Variants in RPF1 observed in about 807,000 individuals in gnomAD.
RPF1 encodes the protein ribosome production factor 1.
A neutral mutation model predicts 41.9 loss-of-function variants in RPF1; 34 were observed. The observed-to-expected ratio is 0.81, with a 90% CI of 0.62 to 1.08. The LOEUF (loss-of-function observed/expected upper bound fraction) is 1.08. Ranked by LOEUF, RPF1 falls within the 50% of genes least tolerant of loss-of-function variation. The pLI, the probability that RPF1 is intolerant of heterozygous loss-of-function variation, is 0.00. For missense variants in RPF1, 425 were observed against 435.2 expected, an observed-to-expected ratio of 0.98 and a Z score of 0.21; for synonymous variants, 140 against 148.9, an observed-to-expected ratio of 0.94 and a Z score of 0.43.
At position 84,496,351 on chromosome 1, in the gene RPF1, A is replaced by G; in HGVS notation, c.989A>G (p.Glu330Gly). ...GGAACCTTTGATTCTAAATATGGAG[A>G]GTATGAATGGGTCCATAAGGTATGT... ...QKGTFDSKYG[E>G]YEWVHKPREM... Residue 330 changes from glutamate to glycine, a missense_variant, in exon 8 of 9, where the codon GAG becomes GGG. By Grantham distance (98) the Glu-to-Gly change is moderately conservative. Transcript: ENST00000370654. 6.2e-7 allele frequency: 1 copy of G among 1,611,578 alleles called. No individual in the cohort carries two copies. Among genetic ancestry groups the G allele is most frequent in the Non-Finnish European group, 8.5e-7 (1 of 1,178,822 alleles).
Position 84,479,341 on chromosome 1 carries a change from C to G in RPF1, c.60C>G (p.Ala20=), listed in dbSNP as rs1259431082. 6.2e-7 allele frequency: 1 copy of G among 1,612,760 alleles called. No homozygotes were observed. Among genetic ancestry groups the G allele is most frequent in the South Asian group, 1.1e-5 (1 of 91,034 alleles). The change falls in exon 1 of 9, where the codon GCC becomes GCG. Residue 20 remains alanine, a synonymous_variant. Coordinates refer to ENST00000370654, the MANE Select transcript of RPF1 (RefSeq NM_025065.7). ...SSGKKSLKRK[A]AAEELQEAAG... is the part of the protein sequence containing the mutation. The stretch of plus-strand genomic sequence containing the variant: ...GGAAGAAAAGTCTAAAACGGAAAGC[C>G]GCTGCCGAAGAACTTCAGGAGGCTG...
rs771497023 is a variant in RPF1 at position 84,496,388 on chromosome 1, A to T, written c.1008+18A>T. The T allele has an allele frequency of 7.6e-6, 12 of 1,576,972 alleles. No individual in the cohort carries two copies. The East Asian group carries it at 2.7e-4, about 35-fold the overall frequency. On this transcript the variant is annotated intron_variant, in intron 8 of 8. Coordinates refer to ENST00000370654, the MANE Select transcript of RPF1 (RefSeq NM_025065.7). The stretch of plus-strand genomic sequence containing the variant: ...TCCATAAGGTATGTGCTTATTGTTT[A>T]AAAAGACTAAGTCATTTTTAAAGTA...
Position 84,483,013 on chromosome 1 carries a change from A to G in RPF1, c.366+18A>G, listed in dbSNP as rs1282030655. 8 of 1,435,014 alleles carry G rather than the reference A, an allele frequency of 5.6e-6. No individual in the cohort carries two copies. The highest frequency in any genetic ancestry group is 7.9e-6 in the Non-Finnish European group (8 of 1,017,110). The allele number at this position is 1,435,014 out of a possible 1,614,324, so 88.9% of individuals were successfully genotyped here. Reference sequence around the variant, plus strand: ...ATGAAGAGGTAATGTTAGAAGTCTTAAATTAGTTTGAATGATCACATATAA... The same window carrying G: ...ATGAAGAGGTAATGTTAGAAGTCTTGAATTAGTTTGAATGATCACATATAA... On this transcript the variant is annotated intron_variant, in intron 3 of 8. Coordinates refer to ENST00000370654, the MANE Select transcript of RPF1 (RefSeq NM_025065.7).
At chr1:84,482,875 TA>T (rs1430680579) in intron 2 of RPF1, 39 bp from the exon 3 acceptor site, 1 of 1,282,816 alleles carries the variant, frequency 7.8e-7, no homozygotes, top group Admixed American at 1.8e-5. Flanking sequence ...ATAATTAATG[TA>T]AAATCCTTCT....
At chr1:84,486,833 T>G (rs973145939) in intron 3 of RPF1, among the ~76,000 whole-genome samples, 1 of 152,162 alleles carries the variant, frequency 6.6e-6, no homozygotes, top group Non-Finnish European at 1.5e-5. Flanking sequence ...AAATCAGAGC[T>G]GCTTCAATTT....
chr1:84,488,933 ATAT>A (rs765999077), intron 3 of RPF1, among the ~76,000 whole-genome samples: 7 of 152,006 alleles, frequency 4.6e-5, no homozygotes, highest in Admixed American at 6.6e-5. Context: ...TTCGTTCCTA[ATAT>A]TATTTTATTT....
chr1:84,479,523 G>C lies in RPF1; in HGVS notation c.228+14G>C, dbSNP rs1482076044. ...CAGCAGCGGAAGGTACGCGAGAGGC[G>C]GGGGCTGCCGGGCGCTTGCGCGTTG... On this transcript the variant is annotated intron_variant, in intron 1 of 8. Coordinates refer to ENST00000370654, the MANE Select transcript of RPF1 (RefSeq NM_025065.7). 2 of 1,611,148 alleles carry C rather than the reference G, an allele frequency of 1.2e-6. No homozygotes were observed. The highest frequency in any genetic ancestry group is 1.7e-5 in the Admixed American group (1 of 59,864).
At chr1:84,490,734 C>T (rs1382297951) in intron 5 of RPF1, among the ~76,000 whole-genome samples, 5 of 152,056 alleles carry the variant, frequency 3.3e-5, no homozygotes, top group Non-Finnish European at 5.9e-5. Context: ...CCAGGAAATT[C>T]ATAGGTGGAG....
rs1400156975 is a variant in RPF1 at position 84,498,024 on chromosome 1, G to A, written c.*554G>A. Among the ~76,000 whole-genome samples the A allele has an allele frequency of 6.6e-6, 1 of 152,146 alleles. No homozygotes were observed. Among genetic ancestry groups the A allele is most frequent in the Non-Finnish European group, 1.5e-5 (1 of 68,018 alleles). ...GAGGTTTTTGGTTTTTTGTGCCCAC[G>A]TTGTGGGGAGCTCTTTTTTACCTCA... On this transcript the variant is annotated 3_prime_UTR_variant, in exon 9 of 9. Transcript: ENST00000370654.
chr1:84,496,565 C>G (rs1252580063), intron 8 of RPF1, among the ~76,000 whole-genome samples, 195 bp downstream of exon 8: 1 of 80,638 alleles, frequency 1.2e-5, no homozygotes, highest in Non-Finnish European at 2.9e-5. Flanking sequence ...TACCCTTGAA[C>G]TAAAAAAAAA....
At chr1:84,493,972 G>T (rs1041521808) in intron 5 of RPF1, among the ~76,000 whole-genome samples, 4 of 152,222 alleles carry the variant, frequency 2.6e-5, no homozygotes, top group African/African-American at 9.6e-5. Flanking sequence ...TCTGTGATGA[G>T]AGTAGTATGA....
In RPF1 at chr1:84,484,379, G is replaced by T. The variant is rs138356987; in HGVS notation, c.366+1384G>T. Among the ~76,000 whole-genome samples the T allele has an allele frequency of 4.2e-3, 629 of 150,964 alleles. 3 individuals carry two copies. The highest frequency in any genetic ancestry group is 0.014 in the African/African-American group (575 of 41,104). ...TTGATATTGGTATTCAATATTATCT[G>T]TTCTATAGATCTTACTCAGATGTCA... is the stretch of plus-strand genomic sequence containing the variant. On this transcript the variant is annotated intron_variant, in intron 3 of 8. Coordinates refer to ENST00000370654, the MANE Select transcript of RPF1 (RefSeq NM_025065.7).
chr1:84,484,219 A>C (rs1681700930), intron 3 of RPF1, among the ~76,000 whole-genome samples: 1 of 152,230 alleles, frequency 6.6e-6, no homozygotes. Context: ...ATAGAAAAGT[A>C]GGAATTTGTA....
chr1:84,479,467 G>A lies in RPF1; in HGVS notation c.186G>A (p.Arg62=). 2.5e-6 allele frequency: 4 copies of A among 1,614,256 alleles called. No homozygotes were observed. The highest frequency in any genetic ancestry group is 2.2e-5 in the East Asian group (1 of 44,892). Residue 62 remains arginine, a synonymous_variant, in exon 1 of 9, where the codon CGG becomes CGA. Coordinates refer to ENST00000370654, the MANE Select transcript of RPF1 (RefSeq NM_025065.7). ...FSISEIKNKQ[R]RHLMFTRWKQ... is the part of the protein sequence containing the mutation. ...TTTCGGAGATTAAAAACAAACAGCG[G>A]CGACACTTAATGTTCACGCGGTGGA... is the stretch of plus-strand genomic sequence containing the variant.
rs1028432778 is a variant in RPF1 at position 84,485,952 on chromosome 1, G to T, written c.366+2957G>T. Among the ~76,000 whole-genome samples the T allele has an allele frequency of 8.5e-5, 13 of 152,172 alleles. No homozygotes were observed. The East Asian group carries it at 2.3e-3, about 27-fold the overall frequency. On this transcript the variant is annotated intron_variant, in intron 3 of 8. Coordinates refer to ENST00000370654, the MANE Select transcript of RPF1 (RefSeq NM_025065.7). ...TGTCTCTTGCCCATTTGTCTACTGGGTAGTGATTTTATATAGGAAAGTCAG... is the reference window on the plus strand; with the variant it reads ...TGTCTCTTGCCCATTTGTCTACTGGTTAGTGATTTTATATAGGAAAGTCAG...
In RPF1 at chr1:84,498,106, A is replaced by C. The variant is rs1681977484; in HGVS notation, c.*636A>C. On this transcript the variant is annotated 3_prime_UTR_variant, in exon 9 of 9. Transcript: ENST00000370654. ...CTGAAACAAAGTTAACCCTATAAGTAACTCATGGATGGAAACCCGTAGAAC... is the reference window on the plus strand; with the variant it reads ...CTGAAACAAAGTTAACCCTATAAGTCACTCATGGATGGAAACCCGTAGAAC... 6.6e-6 allele frequency among the ~76,000 whole-genome samples: 1 copy of C among 152,288 alleles called. No individual in the cohort carries two copies. The highest frequency in any genetic ancestry group is 2.4e-5 in the African/African-American group (1 of 41,560).
At position 84,496,238 on chromosome 1, in the gene RPF1, T is replaced by G. The variant is rs771809205; in HGVS notation, c.882-6T>G. 4 of 1,609,098 alleles carry G rather than the reference T, an allele frequency of 2.5e-6. No individual in the cohort carries two copies. The highest frequency in any genetic ancestry group is 3.4e-6 in the Non-Finnish European group (4 of 1,178,010). On this transcript the variant is annotated splice_polypyrimidine_tract_variant and splice_region_variant and intron_variant, in intron 7 of 8. Coordinates refer to ENST00000370654, the MANE Select transcript of RPF1 (RefSeq NM_025065.7). Reference sequence around the variant, plus strand: ...CAGACTAATTTAACTCTTTTTGTCTTTGAAGATACATATTCAGGAGTGAAA... The same window carrying G: ...CAGACTAATTTAACTCTTTTTGTCTGTGAAGATACATATTCAGGAGTGAAA...
intron 3 of RPF1, among the ~76,000 whole-genome samples, chr1:84,485,381 G>A (rs1057485651): frequency 1.3e-5 from 2 of 152,198 alleles, no homozygotes; most frequent in Non-Finnish European, 2.9e-5. Context: ...TTACAGGCAT[G>A]AGCCACCCCA....
Position 84,489,690 on chromosome 1 carries a change from C to T in RPF1, c.424C>T (p.Pro142Ser), listed in dbSNP as rs750523499. The T allele has an allele frequency of 6.2e-6, 10 of 1,608,768 alleles. No individual in the cohort carries two copies. Among genetic ancestry groups the T allele is most frequent in the Non-Finnish European group, 8.5e-6 (10 of 1,175,264 alleles). The change falls in exon 4 of 9, where the codon CCC (proline) becomes TCC (serine). Residue 142 changes from proline to serine, a missense_variant. Coordinates refer to ENST00000370654, the MANE Select transcript of RPF1 (RefSeq NM_025065.7). ...FASYFNKQTS[P>S]KILITTSDRP... ...TTCTTACTTCAACAAACAGACTTCT[C>T]CCAAGATTCTCATCACAACATCAGA...
Sources: gnomAD v4.1 joint callset for allele counts (sites outside exome capture counted in the v4.1 genomes callset) on GRCh38, gnomAD v4.1.1 for gene constraint, MANE v1.5 for transcripts, NCBI Gene and HGNC (gene_info 2026-07-23, HGNC 2026-07-21) for gene names.